RIF1: variants seen among roughly 807,000 people sequenced by gnomAD.
The protein encoded by RIF1 is replication timing regulatory factor 1, also known as telomere-associated protein RIF1.
A neutral mutation model predicts 247.1 loss-of-function variants in RIF1; 45 were observed. That is an observed-to-expected ratio of 0.18 (90% CI 0.14 to 0.23). The LOEUF (loss-of-function observed/expected upper bound fraction) is 0.23. Among genes scored for constraint, RIF1 ranks in the 10% least tolerant of loss-of-function variants. RIF1 has a pLI of 1.00. For synonymous variants in RIF1, 1,087 were observed against 978.8 expected (o/e 1.11, Z -2.06); for missense variants, 2,967 against 2,862.5 (o/e 1.04, Z -0.83).
intron 22 of RIF1, among the ~76,000 whole-genome samples, chr2:151,456,316 T>G (rs1225913756): frequency 1.3e-5 from 2 of 152,212 alleles, no homozygotes; most frequent in African/African-American, 4.8e-5. Flanking sequence ...CTAAAAGAAA[T>G]GTACAGAAAC....
chr2:151,498,450 AAGTT>A, intron 10 of RIF1: 3 of 766,942 alleles, frequency 3.9e-6, no homozygotes, highest in South Asian at 4.0e-5. Context: ...GGAAGAGAGT[AAGTT>A]AGAGGAAGAG....
At chr2:151,516,234 T>C in the RIF1 span, among the ~76,000 whole-genome samples, 12 of 152,360 alleles carry the variant, frequency 7.9e-5, 1 homozygote, top group South Asian at 2.5e-3. Flanking sequence ...TTTACAGAAA[T>C]GGCTGTTGAA....
the RIF1 span, chr2:151,518,488 TTTAGA>T: frequency 2.0e-6 from 2 of 1,004,874 alleles, no homozygotes; most frequent in Non-Finnish European, 3.1e-6. Context: ...ATTTTTCCTC[TTTAGA>T]TTAGACGTTT....
intron 11 of RIF1, among the ~76,000 whole-genome samples, chr2:151,500,764 A>AT (rs1170308499): frequency 6.6e-6 from 1 of 151,594 alleles, no homozygotes; most frequent in Non-Finnish European, 1.5e-5. Context: ...CGCTTGGCTA[A>AT]TTTTTTCTAT....
At chr2:151,501,926 T>A (rs1407244340) in intron 11 of RIF1, among the ~76,000 whole-genome samples, 1 of 152,196 alleles carries the variant, frequency 6.6e-6, no homozygotes, top group East Asian at 1.9e-4. Context: ...CTGAAAGTTT[T>A]CCAAAGGAAA....
intron 29 of RIF1, among the ~76,000 whole-genome samples, chr2:151,462,667 G>GTGTGTGTA (rs1406204648): frequency 6.6e-6 from 1 of 151,870 alleles, no homozygotes; most frequent in African/African-American, 2.4e-5. Flanking sequence ...GTGTGTGTGT[G>GTGTGTGTA]TATAAAATAA....
chr2:151,500,686 TC>T (rs1193403321), intron 11 of RIF1, among the ~76,000 whole-genome samples: 10 of 151,292 alleles, frequency 6.6e-5, no homozygotes, highest in Admixed American at 4.6e-4. Context: ...AGCCTTGACT[TC>T]CTAGGGTTCA....
the RIF1 span, chr2:151,520,041 A>C: frequency 1.4e-4 from 5 of 37,006 alleles, no homozygotes; most frequent in African/African-American, 6.1e-4. Context: ...ATGCAAAACA[A>C]AAAAAAAAAA....
At chr2:151,516,450 T>C in the RIF1 span, 1 of 1,592,750 alleles carries the variant, frequency 6.3e-7, no homozygotes. Context: ...TGTGGTTTTT[T>C]TGACTTACCC....
intron 9 of RIF1, among the ~76,000 whole-genome samples, chr2:151,429,973 C>T (rs953378577): frequency 6.6e-6 from 1 of 151,960 alleles, no homozygotes; most frequent in African/African-American, 2.4e-5. Flanking sequence ...CCCATTTCTT[C>T]CTCCTTTTAA....
Position 151,416,913 on chromosome 2 carries a change from G to C in RIF1, c.503+12G>C. The C allele has an allele frequency of 6.3e-7, 1 of 1,575,110 alleles. No homozygotes were observed. Among genetic ancestry groups the C allele is most frequent in the Non-Finnish European group, 8.7e-7 (1 of 1,150,506 alleles). On this transcript the variant is annotated intron_variant, in intron 6 of 35. Transcript: ENST00000444746. ...AATGTTATCGTAAGGTATGCATTTG[G>C]ATGTTGTGCAAATTGAAGAATAGTT...
the RIF1 span, among the ~76,000 whole-genome samples, chr2:151,530,048 A>AT: frequency 6.6e-6 from 1 of 151,966 alleles, no homozygotes; most frequent in Non-Finnish European, 1.5e-5. Context: ...TCGTGTTATA[A>AT]TTTTTTTTAA....
the RIF1 span, chr2:151,527,425 T>C: frequency 1.6e-6 from 2 of 1,216,740 alleles, no homozygotes; most frequent in African/African-American, 3.0e-5. Flanking sequence ...TAATTATTCA[T>C]TGTATTTCTC....
At position 151,492,387 on chromosome 2, in the gene RIF1, C is replaced by T. The variant is rs779321695; in HGVS notation, c.*416-2842C>T. The stretch of plus-strand genomic sequence containing the variant: ...CAATCCTAAAGAATTCCTGACTCAC[C>T]GTTGAGATGTGCCGTTGGGTCTCCC... On this transcript the variant is annotated intron_variant and NMD_transcript_variant, in intron 9 of 13. Transcript: ENST00000454583. The T allele has an allele frequency of 1.2e-5, 19 of 1,600,456 alleles. No homozygotes were observed. In the East Asian group the frequency reaches 3.8e-4, roughly 32 times the overall value.
chr2:151,503,084 G>C (rs2065950248), exon 12 of RIF1: 1 of 582,148 alleles, frequency 1.7e-6, no homozygotes. Flanking sequence ...AAAGTACAAT[G>C]GAAAGCATTA....
intron 34 of RIF1, among the ~76,000 whole-genome samples, chr2:151,470,543 T>A (rs1697629805): frequency 6.6e-6 from 1 of 152,182 alleles, no homozygotes; most frequent in South Asian, 2.1e-4. Context: ...TTGGGCATCA[T>A]GTCAGTGCTC....
chr2:151,415,288 A>T (rs1686992984), intron 4 of RIF1, among the ~76,000 whole-genome samples: 1 of 146,914 alleles, frequency 6.8e-6, no homozygotes, highest in Non-Finnish European at 1.5e-5. Flanking sequence ...CGGAGTTTGC[A>T]GTGAGTCGAG....
chr2:151,450,026 A>G (rs1222845283), intron 20 of RIF1, among the ~76,000 whole-genome samples: 2 of 151,964 alleles, frequency 1.3e-5, no homozygotes, highest in Non-Finnish European at 1.5e-5. Flanking sequence ...TTTTTAGTAG[A>G]GACGGGGTTT....
intron 12 of RIF1, chr2:151,505,894 T>C: frequency 1.8e-6 from 1 of 546,272 alleles, no homozygotes; most frequent in Non-Finnish European, 3.3e-6. Context: ...GACATACATA[T>C]ATCCAGGAAG....
Sources: gnomAD v4.1 joint callset for allele counts (sites outside exome capture counted in the v4.1 genomes callset) on GRCh38, gnomAD v4.1.1 for gene constraint, MANE v1.5 for transcripts, NCBI Gene and HGNC (gene_info 2026-07-23, HGNC 2026-07-21) for gene names.